ZNF695: variants seen among roughly 807,000 people sequenced by gnomAD.
ZNF695 encodes the protein zinc finger protein SBZF3.
Under a neutral mutation model 11.2 loss-of-function variants are expected in ZNF695, and 11 were observed. The ratio of observed to expected loss-of-function variants is 0.98; its 90% CI spans 0.62 to 1.62. The LOEUF (loss-of-function observed/expected upper bound fraction) is 1.62, where lower values mean the gene tolerates loss of function less well. ZNF695 is among the 40% of genes most tolerant of loss of function. The pLI is 0.00. For synonymous variants in ZNF695, 190 were observed against 201.4 expected (o/e 0.94, Z 0.48); for missense variants, 559 against 590.5 (o/e 0.95, Z 0.55).
At chr1:246,967,596 G>C (rs1668320755) in intron 5 of ZNF695, 1 of 393,748 alleles carries the variant, frequency 2.5e-6, no homozygotes, top group African/African-American at 2.1e-5. Context: ...AAGATCAGGA[G>C]TTTTGACCTG....
chr1:246,953,944 CAAA>C (rs887310149), intron 5 of ZNF695, among the ~76,000 whole-genome samples: 6 of 64,692 alleles, frequency 9.3e-5, no homozygotes, highest in Non-Finnish European at 1.0e-4. Context: ...AACAAACAAG[CAAA>C]AAAAAAAAAA....
intron 5 of ZNF695, among the ~76,000 whole-genome samples, chr1:246,952,311 T>C (rs528894681): frequency 1.3e-5 from 2 of 152,164 alleles, no homozygotes; most frequent in South Asian, 4.1e-4. Context: ...CAGATGATAA[T>C]TTCAAATTTT....
chr1:247,000,826 T>G (rs1432760795), intron 1 of ZNF695, among the ~76,000 whole-genome samples: 1 of 152,146 alleles, frequency 6.6e-6, no homozygotes, highest in African/African-American at 2.4e-5. Flanking sequence ...CACAGACCAT[T>G]TACACTATAA....
chr1:246,978,948 A>G (rs1447173152), intron 4 of ZNF695, among the ~76,000 whole-genome samples: 1 of 152,216 alleles, frequency 6.6e-6, no homozygotes, highest in Non-Finnish European at 1.5e-5. Context: ...GTGATCGTGA[A>G]TGCTTTTAAG....
At chr1:246,982,315 A>C (rs1668731002), downstream of ZNF695, among the ~76,000 whole-genome samples, 1 of 151,904 alleles carries the variant, frequency 6.6e-6, no homozygotes, top group African/African-American at 2.4e-5. Context: ...AAATCCACAG[A>C]AGTCATTCTA....
intron 5 of ZNF695, among the ~76,000 whole-genome samples, chr1:246,960,038 C>T (rs1558304784): frequency 1.3e-5 from 2 of 152,182 alleles, no homozygotes; most frequent in East Asian, 3.8e-4. Context: ...TGTTAGATTA[C>T]ATATTTCACA....
chr1:246,989,914 T>C (rs1018903924), intron 3 of ZNF695, among the ~76,000 whole-genome samples: 37 of 152,032 alleles, frequency 2.4e-4, no homozygotes, highest in Admixed American at 2.0e-3. Context: ...GGTGGGAGGA[T>C]TGCTGGAGCC....
At chr1:246,967,923 G>C (rs1271300450) in intron 4 of ZNF695, 1 of 169,990 alleles carries the variant, frequency 5.9e-6, no homozygotes, top group Non-Finnish European at 1.3e-5. Flanking sequence ...TTCCCACCAG[G>C]ACCCTCCTCC....
chr1:246,977,426 T>G (rs570907197), intron 4 of ZNF695, among the ~76,000 whole-genome samples: 1 of 152,312 alleles, frequency 6.6e-6, no homozygotes, highest in East Asian at 1.9e-4. Flanking sequence ...CTGGCTAATT[T>G]TTGTTGTTTT....
intron 5 of ZNF695, among the ~76,000 whole-genome samples, chr1:246,963,897 G>A (rs971160256): frequency 2.6e-5 from 4 of 152,346 alleles, no homozygotes; most frequent in African/African-American, 4.8e-5. Flanking sequence ...GCCCCAGGCT[G>A]TGACCCGTGT....
chr1:246,949,708 A>G (rs184407271), intron 5 of ZNF695, among the ~76,000 whole-genome samples: 1 of 152,102 alleles, frequency 6.6e-6, no homozygotes, highest in Admixed American at 6.5e-5. Context: ...TTTCCACCTC[A>G]TCAAAGGTCC....
At chr1:246,996,100 C>G in intron 3 of ZNF695, 1 of 442,664 alleles carries the variant, frequency 2.3e-6, no homozygotes, top group South Asian at 1.6e-5. Flanking sequence ...AATCCCAGCA[C>G]TTTGGGAGGC....
At chr1:246,971,163 C>T (rs528799297) in intron 4 of ZNF695, among the ~76,000 whole-genome samples, 14 of 152,308 alleles carry the variant, frequency 9.2e-5, no homozygotes, top group East Asian at 7.7e-4. Context: ...TAAGGTCACA[C>T]GAGTCACCTG....
intron 5 of ZNF695, among the ~76,000 whole-genome samples, chr1:246,953,368 G>C (rs999476341): frequency 1.3e-5 from 2 of 151,792 alleles, no homozygotes; most frequent in African/African-American, 4.8e-5. Context: ...CAGCACTTTA[G>C]GAGGCCGAGG....
chr1:246,945,833 A>C (rs1242052294), intron 5 of ZNF695: 2 of 1,550,054 alleles, frequency 1.3e-6, no homozygotes, highest in South Asian at 2.4e-5. Flanking sequence ...GGACCCTGAA[A>C]AAAAGAAAGA....
At chr1:246,965,712 G>A (rs1220134042) in intron 5 of ZNF695, among the ~76,000 whole-genome samples, 5 of 151,970 alleles carry the variant, frequency 3.3e-5, no homozygotes, top group South Asian at 2.1e-4. Flanking sequence ...ACGACCATAC[G>A]AGCTGAGATC....
At chr1:246,963,528 A>G (rs1668214941) in intron 5 of ZNF695, among the ~76,000 whole-genome samples, 1 of 152,206 alleles carries the variant, frequency 6.6e-6, no homozygotes, top group South Asian at 2.1e-4. Context: ...AATGAAGCGA[A>G]CAAACAAGTA....
At chr1:246,961,777 T>C in intron 5 of ZNF695, among the ~76,000 whole-genome samples, 1 of 152,160 alleles carries the variant, frequency 6.6e-6, no homozygotes, top group East Asian at 1.9e-4. Flanking sequence ...TGGAAGGGAG[T>C]TCAGATAGCT....
At chr1:246,970,831 A>G (rs1668405411) in intron 4 of ZNF695, among the ~76,000 whole-genome samples, 1 of 152,204 alleles carries the variant, frequency 6.6e-6, no homozygotes, top group Non-Finnish European at 1.5e-5. Flanking sequence ...CAATGGTGCA[A>G]ACTTGGCTCA....
Sources: gnomAD v4.1 joint callset for allele counts (sites outside exome capture counted in the v4.1 genomes callset) on GRCh38, gnomAD v4.1.1 for gene constraint, MANE v1.5 for transcripts, NCBI Gene and HGNC (gene_info 2026-07-23, HGNC 2026-07-21) for gene names.